PDZD2: variants seen among roughly 807,000 people sequenced by gnomAD.
The protein encoded by PDZD2 is PDZ domain containing 2.
Under a neutral mutation model 220.7 loss-of-function variants are expected in PDZD2, and 90 were observed. That is an observed-to-expected ratio of 0.41 (90% CI 0.34 to 0.49). PDZD2 has a LOEUF of 0.49. Ranked by LOEUF, PDZD2 falls within the 20% of genes least tolerant of loss-of-function variation. The probability of loss-of-function intolerance (pLI) is 0.28; values close to 1 mark genes in which losing one functional copy is unlikely to be tolerated. For synonymous variants in PDZD2, 1,375 were observed against 1,450.5 expected, an observed-to-expected ratio of 0.95 and a Z score of 1.18; for missense variants, 3,174 against 3,608.5, an observed-to-expected ratio of 0.88 and a Z score of 3.08.
chr5:31,750,191 G>T (rs1349720010), intron 1 of PDZD2, among the ~76,000 whole-genome samples: 1 of 152,058 alleles, frequency 6.6e-6, no homozygotes, highest in Non-Finnish European at 1.5e-5. Context: ...CAAATCCTAC[G>T]CTTCCAGTCA....
intron 2 of PDZD2, among the ~76,000 whole-genome samples, chr5:31,882,375 A>G (rs1740007985): frequency 6.6e-6 from 1 of 152,182 alleles, no homozygotes; most frequent in Admixed American, 6.5e-5. Flanking sequence ...CTCTCCTGGG[A>G]TTTTTATAAA....
intron 2 of PDZD2, among the ~76,000 whole-genome samples, chr5:31,956,336 G>GTTTTTT (rs71598912): frequency 7.5e-6 from 1 of 133,502 alleles, no homozygotes; most frequent in Non-Finnish European, 1.6e-5. Flanking sequence ...GAAACTAAGA[G>GTTTTTT]TTTTTTTTTT....
At chr5:31,791,389 G>C (rs561198198) in intron 1 of PDZD2, among the ~76,000 whole-genome samples, 116 of 151,822 alleles carry the variant, frequency 7.6e-4, no homozygotes, top group African/African-American at 2.4e-3. Flanking sequence ...TCAGGAGTTC[G>C]AGACCAGCCT....
intron 2 of PDZD2, among the ~76,000 whole-genome samples, chr5:31,975,792 A>ATTTTT (rs1561237947): frequency 2.6e-4 from 16 of 61,390 alleles, no homozygotes; most frequent in African/African-American, 3.2e-4. Flanking sequence ...GGTATCAGTC[A>ATTTTT]CTTTTTTTTT....
intron 1 of PDZD2, among the ~76,000 whole-genome samples, chr5:31,699,782 TTTTTTTTTTG>T (rs1181397385): frequency 5.3e-5 from 5 of 94,838 alleles, no homozygotes; most frequent in Non-Finnish European, 8.8e-5. Context: ...TTTTTGTTTG[TTTTTTTTTTG>T]TTTTTTTTTT....
At chr5:31,836,610 T>A (rs1298944025) in intron 2 of PDZD2, among the ~76,000 whole-genome samples, 1 of 152,110 alleles carries the variant, frequency 6.6e-6, no homozygotes, top group African/African-American at 2.4e-5. Flanking sequence ...TTTTACAACC[T>A]CTCCTAGAGA....
chr5:31,794,846 C>T (rs960341130), intron 1 of PDZD2, among the ~76,000 whole-genome samples: 8 of 152,030 alleles, frequency 5.3e-5, no homozygotes, highest in African/African-American at 1.7e-4. Flanking sequence ...AGGTGAAGGT[C>T]GAAGAACTTG....
At chr5:31,881,997 G>GCA in intron 2 of PDZD2, among the ~76,000 whole-genome samples, 1 of 152,170 alleles carries the variant, frequency 6.6e-6, no homozygotes, top group East Asian at 1.9e-4. Flanking sequence ...GGGATTACAG[G>GCA]TGAGAGCCAC....
intron 1 of PDZD2, among the ~76,000 whole-genome samples, chr5:31,778,322 G>C (rs1445744409): frequency 6.6e-6 from 1 of 152,108 alleles, no homozygotes; most frequent in Non-Finnish European, 1.5e-5. Context: ...AAGAGGCTCG[G>C]GTCCCCTTCC....
intron 1 of PDZD2, among the ~76,000 whole-genome samples, chr5:31,706,567 C>T (rs186451438): frequency 1.1e-3 from 173 of 152,120 alleles, no homozygotes; most frequent in African/African-American, 3.8e-3. Context: ...AAAAGCAGGC[C>T]GGATGCAGTG....
In PDZD2 at chr5:31,918,895, T is replaced by C. The variant is rs549366114; in HGVS notation, c.477-64260T>C. Among the ~76,000 whole-genome samples, 5 of 152,308 alleles carry C rather than the reference T, an allele frequency of 3.3e-5. No homozygotes were observed. The South Asian group carries it at 1.0e-3, about 32-fold the overall frequency. ...TGTGGTTCCTGGCTTCCTGCTCTTG[T>C]CAAGTAACTAGTGGCCTGATTGGAG... On this transcript the variant is annotated intron_variant, in intron 2 of 24. Transcript: ENST00000438447.
chr5:31,925,710 C>A (rs1358614894), intron 2 of PDZD2, among the ~76,000 whole-genome samples: 1 of 148,908 alleles, frequency 6.7e-6, no homozygotes, highest in Non-Finnish European at 1.5e-5. Context: ...ACTCTGTTTC[C>A]AACAAAGGTC....
chr5:31,842,194 G>A (rs1042114920), intron 2 of PDZD2, among the ~76,000 whole-genome samples: 4 of 152,088 alleles, frequency 2.6e-5, no homozygotes, highest in Non-Finnish European at 5.9e-5. Flanking sequence ...CTGTCTTAGC[G>A]GGGATTTGCA....
chr5:31,726,348 G>T (rs921195992), intron 1 of PDZD2, among the ~76,000 whole-genome samples: 8 of 152,196 alleles, frequency 5.3e-5, no homozygotes, highest in African/African-American at 1.9e-4. Flanking sequence ...GGCCATCATG[G>T]TGAAACCCTG....
chr5:31,646,661 A>G lies in PDZD2; in HGVS notation c.-361+7224A>G, dbSNP rs1374685076. Among the ~76,000 whole-genome samples, 1 of 152,152 alleles carries G rather than the reference A, an allele frequency of 6.6e-6. No individual in the cohort carries two copies. Among genetic ancestry groups the G allele is most frequent in the Non-Finnish European group, 1.5e-5 (1 of 68,034 alleles). On this transcript the variant is annotated intron_variant, in intron 1 of 24. Coordinates refer to ENST00000438447, the MANE Select transcript of PDZD2 (RefSeq NM_178140.4). This position sits in a 1 kb window ranked among gnomAD's most constrained non-coding sequence, Gnocchi z 4.7. ...GTTTTATGGAGATTTGGGTAAAACT[A>G]GATTGTGCTATATGGGTCTCCTGAT...
chr5:31,930,845 G>A (rs767974231), intron 2 of PDZD2, among the ~76,000 whole-genome samples: 2 of 152,116 alleles, frequency 1.3e-5, no homozygotes, highest in Non-Finnish European at 2.9e-5. Flanking sequence ...CAAGGCTAGT[G>A]GATCACTTGA....
chr5:31,826,911 G>A (rs372478210), intron 2 of PDZD2, among the ~76,000 whole-genome samples: 151 of 152,232 alleles, frequency 9.9e-4, no homozygotes, highest in African/African-American at 3.6e-3. Context: ...GCCTGGAATC[G>A]AGCCGGGGTG....
chr5:31,750,759 T>G (rs1750908706), intron 1 of PDZD2, among the ~76,000 whole-genome samples: 1 of 152,002 alleles, frequency 6.6e-6, no homozygotes, highest in South Asian at 2.1e-4. Context: ...TTCCCACCAG[T>G]GAGAGGGGCT....
intron 1 of PDZD2, among the ~76,000 whole-genome samples, chr5:31,714,501 T>G (rs1009135146): frequency 6.6e-6 from 1 of 152,126 alleles, no homozygotes; most frequent in Admixed American, 6.5e-5. Context: ...GTTATGGGAA[T>G]GGGAACAGGT....
Sources: allele counts gnomAD v4.1 joint callset (sites outside exome capture counted in the v4.1 genomes callset), GRCh38; gene constraint gnomAD v4.1.1; non-coding constraint Gnocchi (gnomAD v3.1); transcripts MANE v1.5; gene names NCBI Gene and HGNC (gene_info 2026-07-23, HGNC 2026-07-21).